The following MACF1 variants were observed in gnomAD, a reference collection of about 807,000 sequenced individuals.
MACF1 encodes microtubule-actin cross-linking factor 1.
MACF1 carries 193 observed loss-of-function variants against 854.8 expected under a neutral mutation model. The observed-to-expected ratio is 0.23, with a 90% CI of 0.20 to 0.25. The LOEUF (loss-of-function observed/expected upper bound fraction) is 0.25. MACF1 is among the 10% of genes least tolerant of loss of function. The pLI, the probability that MACF1 is intolerant of heterozygous loss-of-function variation, is 1.00. For missense variants in MACF1, 7,722 were observed against 8,929.1 expected (o/e 0.86, Z 5.45); for synonymous variants, 3,185 against 3,226.7 (o/e 0.99, Z 0.44).
At chr1:39,343,490 A>AAGC (rs1359139124) in intron 40 of MACF1, among the ~76,000 whole-genome samples, 4 of 152,262 alleles carry the variant, frequency 2.6e-5, no homozygotes, top group Non-Finnish European at 5.9e-5. Context: ...TATTACAAAG[A>AAGC]AGCAAGCATG....
chr1:39,310,696 A>G (rs1410535145), intron 25 of MACF1, 135 bp from the exon 26 acceptor site: 2 of 907,956 alleles, frequency 2.2e-6, no homozygotes, highest in East Asian at 2.7e-5. Flanking sequence ...ATTAGTATAC[A>G]GTATGTGAAA....
intron 80 of MACF1, 101 bp from the exon 81 acceptor site, chr1:39,447,331 C>A: frequency 9.2e-7 from 1 of 1,088,692 alleles, no homozygotes; most frequent in South Asian, 1.5e-5. Context: ...TTTTAGAGGT[C>A]ATTTCATTTG....
intron 35 of MACF1, among the ~76,000 whole-genome samples, chr1:39,326,606 G>C (rs1360840485): frequency 6.8e-6 from 1 of 148,074 alleles, no homozygotes; most frequent in East Asian, 2.0e-4. Flanking sequence ...ACTTGAACCT[G>C]GGAAGTGGAG....
chr1:39,218,833 T>G (rs1557524593), intron 1 of MACF1, among the ~76,000 whole-genome samples: 1 of 152,176 alleles, frequency 6.6e-6, no homozygotes, highest in Non-Finnish European at 1.5e-5. Context: ...CAGGCTGGAG[T>G]GCAATGGGGC....
At chr1:39,297,986 T>G (rs1645959905) in intron 21 of MACF1, among the ~76,000 whole-genome samples, 1 of 152,218 alleles carries the variant, frequency 6.6e-6, no homozygotes, top group East Asian at 1.9e-4. Flanking sequence ...AGGCCTAGTC[T>G]TCTCCTCTGA....
At chr1:39,093,110 C>G (rs1641849006) in intron 2 of MACF1, among the ~76,000 whole-genome samples, 1 of 151,804 alleles carries the variant, frequency 6.6e-6, no homozygotes, top group Non-Finnish European at 1.5e-5. Flanking sequence ...TTCTCTTACT[C>G]AACAATCAAC....
At chr1:39,119,336 AAAC>A (rs1295952178) in intron 2 of MACF1, among the ~76,000 whole-genome samples, 1 of 151,574 alleles carries the variant, frequency 6.6e-6, no homozygotes, top group Non-Finnish European at 1.5e-5. Flanking sequence ...AAAAAAAAAA[AAAC>A]AACCAGAAAA....
intron 2 of MACF1, among the ~76,000 whole-genome samples, chr1:39,088,508 A>G (rs1158562178): frequency 6.6e-6 from 1 of 152,252 alleles, no homozygotes; most frequent in African/African-American, 2.4e-5. Flanking sequence ...CTTCCGGGAA[A>G]GGCCTCAGGA....
intron 58 of MACF1, among the ~76,000 whole-genome samples, chr1:39,399,277 G>T (rs1319741947): frequency 1.3e-5 from 2 of 150,798 alleles, no homozygotes; most frequent in Admixed American, 1.3e-4. Flanking sequence ...TTCCTATATA[G>T]ACCATACACT....
intron 2 of MACF1, among the ~76,000 whole-genome samples, chr1:39,088,465 TA>T (rs1479517965): frequency 3.3e-5 from 5 of 152,230 alleles, no homozygotes; most frequent in African/African-American, 1.2e-4. Flanking sequence ...GTTGACAATC[TA>T]AATCTCCACA....
chr1:39,193,565 A>G (rs552525327), intron 2 of MACF1, among the ~76,000 whole-genome samples: 4 of 152,340 alleles, frequency 2.6e-5, no homozygotes, highest in African/African-American at 7.2e-5. Context: ...TGCTTTTTAA[A>G]TAGTTAATGC....
At position 39,327,324 on chromosome 1, in the gene MACF1, A is replaced by T. The variant is rs1166573287; in HGVS notation, c.4585A>T (p.Ser1529Cys). Residue 1529 changes from serine to cysteine, a missense_variant, in exon 36 of 101, where the codon AGC becomes TGC. Around this residue, in one of 15 missense-constraint regions of MACF1, gnomAD observed 1,531 missense variants for 1,601.6 expected, o/e 0.96. Coordinates refer to ENST00000564288, the MANE Select transcript of MACF1 (RefSeq NM_001394062.1). ...GSANQLQQLQ[S>C]QLAHQTEQKE... Reference sequence around the variant, plus strand: ...TGCAAATCAGCTTCAGCAGCTTCAGAGCCAGTTGGCTCACCAGACAGAACA... The same window carrying T: ...TGCAAATCAGCTTCAGCAGCTTCAGTGCCAGTTGGCTCACCAGACAGAACA... 1 of 1,605,906 alleles carries T rather than the reference A, an allele frequency of 6.2e-7. No homozygotes were observed. Among genetic ancestry groups the T allele is most frequent in the Non-Finnish European group, 8.5e-7 (1 of 1,173,402 alleles).
chr1:39,220,388 G>C (rs891227838), intron 1 of MACF1, among the ~76,000 whole-genome samples: 2 of 151,054 alleles, frequency 1.3e-5, no homozygotes, highest in African/African-American at 4.9e-5. Flanking sequence ...GGCCAGGCTG[G>C]TCTCGAACTC....
intron 58 of MACF1, among the ~76,000 whole-genome samples, chr1:39,406,337 T>C (rs1310466588): frequency 6.6e-6 from 1 of 152,204 alleles, no homozygotes; most frequent in Non-Finnish European, 1.5e-5. Flanking sequence ...TATTGGTAGA[T>C]AGACATGGGA....
At position 39,358,715 on chromosome 1, in the gene MACF1, C is replaced by G; in HGVS notation, c.11962C>G (p.His3988Asp). Reference sequence around the variant, plus strand: ...GGCACAGTGTACACGATTAGGATCTCACCTGAATATGCTGTTAGGCCAGTA... The same window carrying G: ...GGCACAGTGTACACGATTAGGATCTGACCTGAATATGCTGTTAGGCCAGTA... The part of the protein sequence containing the change: ...LHSKCTRLGS[H>D]LNMLLGQYHQ... Residue 3988 changes from histidine (H) to aspartate (D), a missense_variant, in exon 46 of 101, where the codon CAC (histidine) becomes GAC (aspartate). His to Asp is a moderately conservative substitution (Grantham distance 81). Coordinates refer to ENST00000564288, the MANE Select transcript of MACF1 (RefSeq NM_001394062.1). 6.2e-7 allele frequency: 1 copy of G among 1,614,114 alleles called. No individual in the cohort carries two copies. The highest frequency in any genetic ancestry group is 8.5e-7 in the Non-Finnish European group (1 of 1,180,024).
intron 2 of MACF1, among the ~76,000 whole-genome samples, chr1:39,233,191 C>T (rs1015983875): frequency 3.9e-5 from 6 of 152,082 alleles, no homozygotes; most frequent in Admixed American, 3.9e-4. Context: ...TGCACCACCA[C>T]GCCCGGCTAA....
At chr1:39,369,550 T>C (rs1649047814) in intron 50 of MACF1, among the ~76,000 whole-genome samples, 2 of 152,224 alleles carry the variant, frequency 1.3e-5, no homozygotes, top group South Asian at 4.1e-4. Context: ...TCCAAAACTT[T>C]CCTTTTGATT....
At chr1:39,385,412 C>G in intron 56 of MACF1, 22 bp from the exon 57 acceptor site, 2 of 1,609,634 alleles carry the variant, frequency 1.2e-6, no homozygotes, top group Non-Finnish European at 1.7e-6. Flanking sequence ...GTCTAAACAT[C>G]TTGGTGTCAT....
upstream of MACF1, among the ~76,000 whole-genome samples, chr1:39,201,541 A>T (rs1044995765): frequency 6.6e-6 from 1 of 151,936 alleles, no homozygotes; most frequent in Admixed American, 6.6e-5. Context: ...TTTAGTAGAG[A>T]CGGGGTTTCA....
Sources: gnomAD v4.1 joint callset for allele counts (sites outside exome capture counted in the v4.1 genomes callset) on GRCh38, gnomAD v4.1.1 for gene constraint, gnomAD v4.1.1 regional missense constraint, MANE v1.5 for transcripts, NCBI Gene and HGNC (gene_info 2026-07-23, HGNC 2026-07-21) for gene names.